ABCB10: variants seen among roughly 807,000 people sequenced by gnomAD.
ABCB10 encodes ATP-binding cassette sub-family B member 10, mitochondrial.
Under a neutral mutation model 65.4 loss-of-function variants are expected in ABCB10, and 54 were observed. That is an observed-to-expected ratio of 0.83 (90% CI 0.66 to 1.04). The LOEUF (loss-of-function observed/expected upper bound fraction) is 1.04. ABCB10 is among the 50% of genes least tolerant of loss of function. ABCB10 has a pLI of 0.00. For missense variants in ABCB10, 846 were observed against 976.6 expected (o/e 0.87, Z 1.78); for synonymous variants, 418 against 406.5 (o/e 1.03, Z -0.34).
rs1198635398 is a variant in ABCB10, at chr1:229,516,769, T to C, written c.*1410A>G. 1 of 152,200 alleles carries C rather than the reference T, an allele frequency of 6.6e-6. No homozygotes were observed. The highest frequency in any genetic ancestry group is 1.9e-4 in the East Asian group (1 of 5,200). 9.4% of individuals were successfully genotyped at this position (152,200 alleles called of 1,614,324 possible). ...TTTGCTTTCTGAAAATCACACTTTA[T>C]AAAGAACACAAGTAGAGCTTGTTAA... On this transcript the variant is annotated 3_prime_UTR_variant, in exon 13 of 13. Transcript: ENST00000344517.
intron 1 of ABCB10, among the ~76,000 whole-genome samples, chr1:229,554,691 G>C (rs1663200060): frequency 1.3e-5 from 2 of 152,220 alleles, no homozygotes; most frequent in South Asian, 4.1e-4. Flanking sequence ...GCTACAGAAT[G>C]CTCAGTTTCG....
intron 7 of ABCB10, among the ~76,000 whole-genome samples, chr1:229,531,385 G>C (rs2102690038): frequency 6.6e-6 from 1 of 152,236 alleles, no homozygotes; most frequent in Admixed American, 6.5e-5. Context: ...GGAGGGAGGG[G>C]AACAGAGGGC....
At chr1:229,526,776 A>C (rs568659743) in intron 9 of ABCB10, among the ~76,000 whole-genome samples, 2 of 152,252 alleles carry the variant, frequency 1.3e-5, no homozygotes, top group Non-Finnish European at 2.9e-5. Context: ...TGACCACATT[A>C]CATTAACACT....
intron 10 of ABCB10, 38 bp from the exon 11 acceptor site, chr1:229,521,673 A>C: frequency 6.2e-7 from 1 of 1,607,788 alleles, no homozygotes; most frequent in South Asian, 1.1e-5. Flanking sequence ...AGGCCTCAAC[A>C]AAAAATCTTA....
chr1:229,537,778 A>G (rs1217587751), intron 6 of ABCB10, among the ~76,000 whole-genome samples: 1 of 152,228 alleles, frequency 6.6e-6, no homozygotes, highest in Non-Finnish European at 1.5e-5. Flanking sequence ...CGACAGAGCA[A>G]GACTCCATCT....
chr1:229,534,500 C>A (rs1405150086), intron 6 of ABCB10, among the ~76,000 whole-genome samples: 2 of 151,652 alleles, frequency 1.3e-5, no homozygotes, highest in Non-Finnish European at 2.9e-5. Flanking sequence ...CCAAGGTGGG[C>A]AGATCACTTG....
intron 6 of ABCB10, among the ~76,000 whole-genome samples, chr1:229,536,190 G>A (rs1013809226): frequency 2.6e-5 from 4 of 151,788 alleles, no homozygotes; most frequent in Admixed American, 2.0e-4. Flanking sequence ...AGGGAGTGAG[G>A]GAAAAAAGAA....
chr1:229,541,821 T>C (rs1159329449), intron 4 of ABCB10, among the ~76,000 whole-genome samples: 1 of 151,878 alleles, frequency 6.6e-6, no homozygotes, highest in Non-Finnish European at 1.5e-5. Context: ...GGGGCGATAG[T>C]CCCAGCTACT....
At chr1:229,557,953 G>A (rs371038844) in intron 1 of ABCB10, among the ~76,000 whole-genome samples, 183 bp downstream of exon 1, 3 of 152,324 alleles carry the variant, frequency 2.0e-5, no homozygotes, top group East Asian at 3.9e-4. Context: ...CAGCTAAGGC[G>A]AAATCTTGAC....
chr1:229,557,107 C>T (rs1030744330), intron 1 of ABCB10, among the ~76,000 whole-genome samples: 1 of 152,206 alleles, frequency 6.6e-6, no homozygotes. Flanking sequence ...AGTCGCCACC[C>T]TAACTGCTCT....
chr1:229,544,416 C>CAAAAAAAAAAAAAAAAAAAAAAAAAAA (rs35004821), intron 3 of ABCB10, among the ~76,000 whole-genome samples: 1 of 60,994 alleles, frequency 1.6e-5, no homozygotes. Flanking sequence ...GACCTTCTCT[C>CAAAAAAAAAAAAAAAAAAAAAAAAAAA]AAAAAAAAAA....
At chr1:229,537,715 G>A (rs1405384142) in intron 6 of ABCB10, among the ~76,000 whole-genome samples, 2 of 152,168 alleles carry the variant, frequency 1.3e-5, no homozygotes, top group African/African-American at 2.4e-5. Context: ...GCTTCAACCC[G>A]GGAGGCGGGG....
chr1:229,516,740 G>A lies in ABCB10; in HGVS notation c.*1439C>T, dbSNP rs1004856764. The A allele has an allele frequency of 6.6e-6, 1 of 152,110 alleles. No individual in the cohort carries two copies. The highest frequency in any genetic ancestry group is 6.5e-5 in the Admixed American group (1 of 15,282). The allele number at this position is 152,110 out of a possible 1,614,324, so 9.4% of individuals were successfully genotyped here. A position where few individuals can be genotyped will look rare whatever the true frequency, so the allele number is the denominator to read the frequency against. On this transcript the variant is annotated 3_prime_UTR_variant, in exon 13 of 13. Coordinates refer to ENST00000344517, the MANE Select transcript of ABCB10 (RefSeq NM_012089.3). Reference sequence around the variant, plus strand: ...TCCTCAGATTCAACCTTGTAATTGTGTTGTTTGCTTTCTGAAAATCACACT... The same window carrying A: ...TCCTCAGATTCAACCTTGTAATTGTATTGTTTGCTTTCTGAAAATCACACT...
At chr1:229,527,135 T>C in intron 9 of ABCB10, 94 bp downstream of exon 9, 1 of 1,199,388 alleles carries the variant, frequency 8.3e-7, no homozygotes, top group Non-Finnish European at 1.2e-6. Context: ...CCATTCCTTC[T>C]CTCTTGAGAA....
In ABCB10 at chr1:229,529,295, C is replaced by CAAAA. The variant is rs59264291; in HGVS notation, c.1645+900_1645+903dup. 3.1e-3 allele frequency among the ~76,000 whole-genome samples: 71 copies of CAAAA among 23,128 alleles called. 10 individuals are homozygous for CAAAA. Among genetic ancestry groups the CAAAA allele is most frequent in the East Asian group, 6.2e-3 (4 of 648 alleles). The allele number at this position is 23,128 out of a possible 152,430, so 15.2% of individuals were successfully genotyped here. ...TGGGCAACAGAGCAAGACTCCGTCT[C>CAAAA]AAAAAAAAAAAAAAAAAAAAAAAAA... On this transcript the variant is annotated intron_variant, in intron 8 of 12. Transcript: ENST00000344517.
chr1:229,547,397 G>A (rs1662994826), intron 3 of ABCB10, 102 bp downstream of exon 3: 1 of 1,379,300 alleles, frequency 7.3e-7, no homozygotes, highest in African/African-American at 1.5e-5. Context: ...GGCACTTACA[G>A]AATGATGCGA....
chr1:229,548,824 G>C (rs1002410181), intron 2 of ABCB10, among the ~76,000 whole-genome samples: 4 of 151,980 alleles, frequency 2.6e-5, no homozygotes, highest in East Asian at 3.9e-4. Flanking sequence ...CACCACGCCC[G>C]GGTAATTTTT....
In ABCB10 at chr1:229,525,990, T is replaced by G; in HGVS notation, c.1852A>C (p.Asn618His). The G allele has an allele frequency of 6.2e-7, 1 of 1,614,184 alleles. No individual in the cohort carries two copies. Among genetic ancestry groups the G allele is most frequent in the South Asian group, 1.1e-5 (1 of 91,082 alleles). ...ACAGTGTTGAACCCTTGGGGGAAAT[T>G]CCGGATGAAGGCCACTGCATTGGCC... is the stretch of plus-strand genomic sequence containing the variant. The part of the protein sequence containing the change: ...EVANAVAFIR[N>H]FPQGFNTVVG... Residue 618 changes from asparagine to histidine, a missense_variant, in exon 10 of 13, where the codon AAT becomes CAT. This residue lies in a region of ABCB10 where 632 missense variants were observed against 803.2 expected (regional missense o/e 0.79). Coordinates refer to ENST00000344517, the MANE Select transcript of ABCB10 (RefSeq NM_012089.3).
intron 3 of ABCB10, among the ~76,000 whole-genome samples, chr1:229,545,093 T>A (rs1662936698): frequency 6.6e-6 from 1 of 152,248 alleles, no homozygotes; most frequent in Non-Finnish European, 1.5e-5. Flanking sequence ...GGTATTATTA[T>A]GGCATCCCAA....
Sources: allele counts gnomAD v4.1 joint callset (sites outside exome capture counted in the v4.1 genomes callset), GRCh38; gene constraint gnomAD v4.1.1; regional missense constraint gnomAD v4.1.1; transcripts MANE v1.5; gene names NCBI Gene and HGNC (gene_info 2026-07-23, HGNC 2026-07-21).